PANK2: variants seen among roughly 807,000 people sequenced by gnomAD.
The protein encoded by PANK2 is pantothenate kinase 2, mitochondrial.
A neutral mutation model predicts 43.1 loss-of-function variants in PANK2; 36 were observed. That is an observed-to-expected ratio of 0.84 (90% CI 0.64 to 1.10). PANK2 has a LOEUF of 1.10. Ranked by LOEUF, PANK2 falls within the 50% of genes least tolerant of loss-of-function variation. The pLI is 0.00. For synonymous variants in PANK2, 281 were observed against 238.2 expected (o/e 1.18, Z -1.66); for missense variants, 576 against 593.3 (o/e 0.97, Z 0.30).
intron 6 of PANK2, among the ~76,000 whole-genome samples, chr20:3,922,396 C>T (rs1182857281): frequency 3.3e-5 from 5 of 152,232 alleles, no homozygotes; most frequent in African/African-American, 1.2e-4. Context: ...GGAGACAGTA[C>T]AGTGCTTGTC....
In PANK2 at chr20:3,924,563, A is replaced by G. The variant is rs2090693727; in HGVS notation, c.*1269A>G. 6.5e-6 allele frequency: 1 copy of G among 152,828 alleles called. No individual in the cohort carries two copies. Among genetic ancestry groups the G allele is most frequent in the Non-Finnish European group, 1.5e-5 (1 of 68,558 alleles). The allele number at this position is 152,828 out of a possible 1,614,324, so 9.5% of individuals were successfully genotyped here. ...ACATGGGCCTTGGCACTTAGGAAATATGGGTGCTGCTGCATTGGGACCTTG... is the reference window on the plus strand; with the variant it reads ...ACATGGGCCTTGGCACTTAGGAAATGTGGGTGCTGCTGCATTGGGACCTTG... On this transcript the variant is annotated 3_prime_UTR_variant, in exon 7 of 7. Transcript: ENST00000610179.
rs575299412 is a variant in PANK2, at chr20:3,913,921, T to G, written c.1082+1287T>G. 2.8e-3 allele frequency among the ~76,000 whole-genome samples: 432 copies of G among 151,916 alleles called. 3 individuals are homozygous for G. The highest frequency in any genetic ancestry group is 9.7e-3 in the African/African-American group (400 of 41,410). On this transcript the variant is annotated intron_variant, in intron 4 of 6. Coordinates refer to ENST00000610179, the MANE Select transcript of PANK2 (RefSeq NM_001386393.1). ...CTTCTGCTTCAGCCTTCCAAGTAGCTGGGACTACAGGTGCCTGCCACCACG... is the reference window on the plus strand; with the variant it reads ...CTTCTGCTTCAGCCTTCCAAGTAGCGGGGACTACAGGTGCCTGCCACCACG...
intron 1 of PANK2, among the ~76,000 whole-genome samples, chr20:3,897,250 C>G (rs190943893): frequency 6.6e-6 from 1 of 152,248 alleles, no homozygotes; most frequent in East Asian, 1.9e-4. Flanking sequence ...GCTTTGCATA[C>G]GTTTTGAAAT....
At chr20:3,911,239 G>A (rs1304111050) in intron 3 of PANK2, among the ~76,000 whole-genome samples, 1 of 152,196 alleles carries the variant, frequency 6.6e-6, no homozygotes, top group Admixed American at 6.5e-5. Flanking sequence ...ATGTGATTTA[G>A]AAGTTGATAT....
intron 1 of PANK2, among the ~76,000 whole-genome samples, chr20:3,900,243 A>G (rs183248520): frequency 6.6e-6 from 1 of 151,870 alleles, no homozygotes; most frequent in Non-Finnish European, 1.5e-5. Flanking sequence ...GTCAGTAACT[A>G]TATGATTATG....
At chr20:3,903,066 T>C (rs1277602951) in intron 1 of PANK2, among the ~76,000 whole-genome samples, 1 of 149,286 alleles carries the variant, frequency 6.7e-6, no homozygotes, top group African/African-American at 2.5e-5. Context: ...TTTTCCCTCC[T>C]CCTGTGCAGT....
rs2090701851 is a variant in PANK2, at chr20:3,925,132, C to T, written c.*1838C>T. 1 of 152,704 alleles carries T rather than the reference C, an allele frequency of 6.5e-6. No homozygotes were observed. Among genetic ancestry groups the T allele is most frequent in the Non-Finnish European group, 1.5e-5 (1 of 68,432 alleles). The allele number at this position is 152,704 out of a possible 1,614,324, so 9.5% of individuals were successfully genotyped here. A position where few individuals can be genotyped will look rare whatever the true frequency, so the allele number is the denominator to read the frequency against. On this transcript the variant is annotated 3_prime_UTR_variant, in exon 7 of 7. Transcript: ENST00000610179. ...GAGTTGGGAAGACGCTGTTGATGTC[C>T]CCTTCTGCCTCGCTTTGAGCTTCCT...
At chr20:3,911,212 A>G (rs1360835350) in intron 3 of PANK2, among the ~76,000 whole-genome samples, 1 of 152,226 alleles carries the variant, frequency 6.6e-6, no homozygotes, top group Non-Finnish European at 1.5e-5. Context: ...TGTGTAGAAT[A>G]ATGATGTATT....
At position 3,929,573 on chromosome 20, in the gene PANK2, C is replaced by CTAAG. The variant is rs893187839; in HGVS notation, c.*6281_*6284dup. On this transcript the variant is annotated 3_prime_UTR_variant, in exon 7 of 7. Transcript: ENST00000610179. ...CTGCATCAAAGACACAAGAGCTTGC[C>CTAAG]TAAGTGACCACAACAGTTGCAGCCA... The CTAAG allele has an allele frequency of 6.6e-6, 1 of 152,326 alleles. No individual in the cohort carries two copies. Among genetic ancestry groups the CTAAG allele is most frequent in the Non-Finnish European group, 1.5e-5 (1 of 68,124 alleles). 9.4% of individuals were successfully genotyped at this position (152,326 alleles called of 1,614,324 possible). A position where few individuals can be genotyped will look rare whatever the true frequency, so the allele number is the denominator to read the frequency against.
At chr20:3,889,100 G>C, upstream of PANK2, 1 of 1,541,860 alleles carries the variant, frequency 6.5e-7, no homozygotes, top group Non-Finnish European at 8.8e-7. Context: ...GGAGGGGGTG[G>C]ATGAGGAGGC....
intron 1 of PANK2, among the ~76,000 whole-genome samples, chr20:3,903,138 CT>C (rs58375342): frequency 0.4 from 56,419 of 140,618 alleles, 11,354 homozygotes; most frequent in Non-Finnish European, 0.46. Context: ...ATTAGCTTGC[CT>C]TTTTTTTTTT....
intron 3 of PANK2, among the ~76,000 whole-genome samples, chr20:3,912,050 C>T (rs888283053): frequency 1.3e-5 from 2 of 152,064 alleles, no homozygotes; most frequent in Admixed American, 1.3e-4. Context: ...TGACAAAACA[C>T]GTTGCAGGAG....
intron 3 of PANK2, among the ~76,000 whole-genome samples, 182 bp downstream of exon 3, chr20:3,911,012 C>G (rs921998706): frequency 7.2e-5 from 11 of 152,172 alleles, no homozygotes; most frequent in African/African-American, 2.2e-4. Context: ...CTCTACTGTT[C>G]AAGATTTATT....
chr20:3,903,628 C>G lies in PANK2; in HGVS notation c.299-4298C>G, dbSNP rs185078679. Among the ~76,000 whole-genome samples, 249 of 147,164 alleles carry G rather than the reference C, an allele frequency of 1.7e-3. 1 individual carries two copies. The highest frequency in any genetic ancestry group is 7.0e-3 in the Middle Eastern group (2 of 286). ...TTTCAGCGCGTTCCACCACGCCCAG[C>G]TAATTTTTTTTTTTTTTGAGATGGA... On this transcript the variant is annotated intron_variant, in intron 1 of 6. Transcript: ENST00000610179.
chr20:3,904,854 A>G (rs1353160925), intron 1 of PANK2, among the ~76,000 whole-genome samples: 3 of 151,984 alleles, frequency 2.0e-5, no homozygotes, highest in Non-Finnish European at 4.4e-5. Flanking sequence ...TAGTTTTTCT[A>G]GTTTGTAAAA....
chr20:3,913,629 C>T (rs1461309911), intron 4 of PANK2, among the ~76,000 whole-genome samples: 1 of 151,990 alleles, frequency 6.6e-6, no homozygotes, highest in African/African-American at 2.4e-5. Context: ...GCCACCGCGC[C>T]CGGCTGCCAC....
At position 3,889,521 on chromosome 20, in the gene PANK2, G is replaced by A; in HGVS notation, c.91G>A (p.Ala31Thr). The change falls in exon 1 of 7, where the codon GCC (alanine) becomes ACC (threonine). Residue 31 changes from alanine to threonine, a missense_variant. Physicochemically the swap from Ala to Thr is moderately conservative, Grantham distance 58 (BLOSUM62 0). Transcript: ENST00000610179. The stretch of plus-strand genomic sequence containing the variant: ...CATGGAGCGCCACGGCAGGGCTTCC[G>A]CCACCTCCGTCTCGTCGGCTGGGGA... 1.4e-6 allele frequency: 2 copies of A among 1,436,096 alleles called. No individual in the cohort carries two copies. The highest frequency in any genetic ancestry group is 1.8e-6 in the Non-Finnish European group (2 of 1,105,522). 89.0% of individuals were successfully genotyped at this position (1,436,096 alleles called of 1,614,324 possible). A position where few individuals can be genotyped will look rare whatever the true frequency, so the allele number is the denominator to read the frequency against.
At position 3,926,940 on chromosome 20, in the gene PANK2, C is replaced by CAA. The variant is rs11471571; in HGVS notation, c.*3666_*3667dup. On this transcript the variant is annotated 3_prime_UTR_variant, in exon 7 of 7. Transcript: ENST00000610179. Reference sequence around the variant, plus strand: ...AGCCTGGGTGACAGCAAGACTGTCTCAAAAAAAAAAAAAAAAAAAAATCCG... The same window carrying CAA: ...AGCCTGGGTGACAGCAAGACTGTCTCAAAAAAAAAAAAAAAAAAAAAAATCCG... 0.041 allele frequency: 4,426 copies of CAA among 108,196 alleles called. 148 individuals are homozygous for CAA. Among genetic ancestry groups the CAA allele is most frequent in the African/African-American group, 0.079 (2,097 of 26,492 alleles). 6.7% of individuals were successfully genotyped at this position (108,196 alleles called of 1,614,324 possible). A position where few individuals can be genotyped will look rare whatever the true frequency, so the allele number is the denominator to read the frequency against.
At chr20:3,889,825 G>T (rs753691890) in intron 1 of PANK2, 97 bp downstream of exon 1, 1 of 1,538,134 alleles carries the variant, frequency 6.5e-7, no homozygotes, top group South Asian at 1.2e-5. Context: ...CCCGCGCGCG[G>T]ACACTGTCCC....
Sources: allele counts gnomAD v4.1 joint callset (sites outside exome capture counted in the v4.1 genomes callset), GRCh38; gene constraint gnomAD v4.1.1; transcripts MANE v1.5; gene names NCBI Gene and HGNC (gene_info 2026-07-23, HGNC 2026-07-21).